The following PCM1 variants were observed in gnomAD, a reference collection of about 807,000 sequenced individuals.
PCM1 encodes the protein pericentriolar material 1, also known as pericentriolar material 1 protein.
PCM1 carries 157 observed loss-of-function variants against 241.9 expected under a neutral mutation model. That is an observed-to-expected ratio of 0.65 (90% CI 0.57 to 0.74). The LOEUF is 0.74. Among genes scored for constraint, PCM1 ranks in the 30% least tolerant of loss-of-function variants. The pLI, the probability that PCM1 is intolerant of heterozygous loss-of-function variation, is 0.00. For synonymous variants in PCM1, 1,085 were observed against 784.9 expected, an observed-to-expected ratio of 1.38 and a Z score of -6.39; for missense variants, 3,478 against 2,360.1, an observed-to-expected ratio of 1.47 and a Z score of -9.81.
chr8:18,014,826 T>G lies in PCM1; in HGVS notation c.5827T>G (p.Leu1943Val). The change falls in exon 36 of 39, where the codon TTA (leucine) becomes GTA (valine). Residue 1943 changes from leucine to valine, a missense_variant. By Grantham distance (32) the Leu-to-Val change is conservative. Transcript: ENST00000325083. ...AAGTCCTGATACTGAATCTCCAGTG[T>G]TAGTGAATGACTATGTATGTATCAT... ...AGSPDTESPV[L>V]VNDYEAESGN... The G allele has an allele frequency of 1.3e-6, 2 of 1,598,426 alleles. No individual in the cohort carries two copies. The highest frequency in any genetic ancestry group is 1.7e-6 in the Non-Finnish European group (2 of 1,176,194).
intron 38 of PCM1, among the ~76,000 whole-genome samples, 155 bp from the exon 39 acceptor site, chr8:18,027,482 A>G (rs1164219937): frequency 6.6e-6 from 1 of 152,070 alleles, no homozygotes; most frequent in African/African-American, 2.4e-5. Context: ...TTCTTTTTTT[A>G]CTGTGTGCTA....
At chr8:17,923,937 C>A (rs894362176) in intron 1 of PCM1, among the ~76,000 whole-genome samples, 1 of 152,010 alleles carries the variant, frequency 6.6e-6, no homozygotes, top group Non-Finnish European at 1.5e-5. Context: ...GGAGGCTGGG[C>A]GCGCCAACTT....
intron 13 of PCM1, among the ~76,000 whole-genome samples, chr8:17,958,065 A>T (rs1370997485): frequency 6.6e-6 from 1 of 152,242 alleles, no homozygotes; most frequent in African/African-American, 2.4e-5. Context: ...ATTATTTGCC[A>T]ATATAGCTTT....
Position 18,029,238 on chromosome 8 carries a change from T to A in PCM1, c.*1576T>A, listed in dbSNP as rs3850750. ...CCATTCAAGGAGTATTAAATGAGGA[T>A]TTCCCTGCGAGGACATTTACTGTAT... is the stretch of plus-strand genomic sequence containing the variant. On this transcript the variant is annotated 3_prime_UTR_variant, in exon 39 of 39. Coordinates refer to ENST00000325083, the MANE Select transcript of PCM1 (RefSeq NM_006197.4). 0.46 allele frequency: 89,204 copies of A among 195,712 alleles called. 23,349 individuals carry two copies. Among genetic ancestry groups the A allele is most frequent in the Non-Finnish European group, 0.59 (55,060 of 93,374 alleles). The allele number at this position is 195,712 out of a possible 1,614,324, so 12.1% of individuals were successfully genotyped here.
At chr8:17,996,358 A>T (rs577407282) in intron 29 of PCM1, among the ~76,000 whole-genome samples, 1 of 152,238 alleles carries the variant, frequency 6.6e-6, no homozygotes, top group South Asian at 2.1e-4. Context: ...CCTATGTTGA[A>T]CCATCCTTGC....
chr8:17,997,903 G>C (rs967188401), intron 29 of PCM1, among the ~76,000 whole-genome samples: 2 of 151,562 alleles, frequency 1.3e-5, no homozygotes, highest in Non-Finnish European at 2.9e-5. Flanking sequence ...GGACATGGTG[G>C]TGCGCACCTA....
At chr8:17,949,327 A>G (rs2065108145) in intron 7 of PCM1, among the ~76,000 whole-genome samples, 1 of 152,052 alleles carries the variant, frequency 6.6e-6, no homozygotes, top group African/African-American at 2.4e-5. Flanking sequence ...CCCTTTCACC[A>G]TTTAACTAAC....
At chr8:17,973,824 A>G (rs2077699868) in intron 23 of PCM1, among the ~76,000 whole-genome samples, 1 of 152,216 alleles carries the variant, frequency 6.6e-6, no homozygotes, top group African/African-American at 2.4e-5. Context: ...GGAAGTTCAC[A>G]ACACATACAA....
intron 15 of PCM1, among the ~76,000 whole-genome samples, chr8:17,961,741 A>G (rs1009728913): frequency 4.6e-5 from 7 of 152,164 alleles, no homozygotes; most frequent in Admixed American, 2.6e-4. Context: ...TCCAATCTAA[A>G]TAATGTCTAG....
chr8:17,955,397 C>T, intron 9 of PCM1, 73 bp from the exon 10 acceptor site: 5 of 1,020,694 alleles, frequency 4.9e-6, no homozygotes, highest in East Asian at 2.7e-5. Context: ...TTTCAATATC[C>T]AAGCCAACTG....
intron 22 of PCM1, among the ~76,000 whole-genome samples, chr8:17,970,473 T>A (rs553480004): frequency 6.6e-6 from 1 of 151,750 alleles, no homozygotes; most frequent in African/African-American, 2.4e-5. Context: ...ACTCTGAGAA[T>A]TCCAACTTTG....
chr8:17,998,473 G>C (rs1395921627), intron 29 of PCM1, among the ~76,000 whole-genome samples: 1 of 152,202 alleles, frequency 6.6e-6, no homozygotes, highest in Non-Finnish European at 1.5e-5. Flanking sequence ...GAATTACCAG[G>C]TGGAGACTTC....
intron 23 of PCM1, among the ~76,000 whole-genome samples, chr8:17,979,122 T>C (rs1162647219): frequency 7.0e-6 from 1 of 142,682 alleles, no homozygotes; most frequent in South Asian, 2.2e-4. Flanking sequence ...AGACTCAGTC[T>C]CAAAAGAAAA....
rs2073356509 is a variant in PCM1 at position 17,963,302 on chromosome 8, T to A, written c.2654+11T>A. The A allele has an allele frequency of 1.3e-5, 21 of 1,561,132 alleles. No individual in the cohort carries two copies. Among genetic ancestry groups the A allele is most frequent in the Non-Finnish European group, 1.8e-5 (21 of 1,160,752 alleles). On this transcript the variant is annotated intron_variant, in intron 17 of 38. Coordinates refer to ENST00000325083, the MANE Select transcript of PCM1 (RefSeq NM_006197.4). ...AAGTAGAACAGAAAAGTAAGAGAGC[T>A]GCATAAATCACTTTTCTAAAAATGT...
intron 11 of PCM1, 36 bp from the exon 12 acceptor site, chr8:17,957,228 G>T (rs1186395752): frequency 4.6e-6 from 7 of 1,518,262 alleles, no homozygotes; most frequent in Admixed American, 4.4e-5. Flanking sequence ...CTTTTTTTGT[G>T]CCTTAAATGA....
At chr8:18,006,127 TC>T in intron 29 of PCM1, 135 bp from the exon 30 acceptor site, 1 of 719,572 alleles carries the variant, frequency 1.4e-6, no homozygotes. Context: ...AATGGATATT[TC>T]TAAACAGACA....
chr8:18,014,110 AAC>A (rs1554770348), intron 35 of PCM1, 74 bp downstream of exon 35: 1 of 776,908 alleles, frequency 1.3e-6, no homozygotes, highest in East Asian at 2.9e-5. Context: ...AAAAAAAAAA[AAC>A]ACACACAGAA....
At chr8:17,958,479 TAACAC>T (rs1390621317) in intron 13 of PCM1, among the ~76,000 whole-genome samples, 1 of 152,118 alleles carries the variant, frequency 6.6e-6, no homozygotes, top group East Asian at 1.9e-4. Flanking sequence ...ACATAACTAT[TAACAC>T]AAAATATGCC....
chr8:18,015,718 T>C (rs947198957), intron 36 of PCM1: 1 of 152,154 alleles, frequency 6.6e-6, no homozygotes, highest in Non-Finnish European at 1.5e-5. Context: ...TTTTACAGTT[T>C]GGTGTCAGAG....
Sources: allele counts gnomAD v4.1 joint callset (sites outside exome capture counted in the v4.1 genomes callset), GRCh38; gene constraint gnomAD v4.1.1; transcripts MANE v1.5; gene names NCBI Gene and HGNC (gene_info 2026-07-23, HGNC 2026-07-21).